The following CDH4 variants were observed in gnomAD, a reference collection of about 807,000 sequenced individuals.
The protein encoded by CDH4 is cadherin-4.
A neutral mutation model predicts 86.0 loss-of-function variants in CDH4; 33 were observed. The observed-to-expected ratio is 0.38, with a 90% CI of 0.29 to 0.51. CDH4 has a LOEUF of 0.51. Among genes scored for constraint, CDH4 ranks in the 20% least tolerant of loss-of-function variants. The pLI is 0.86. For synonymous variants in CDH4, 555 were observed against 549.4 expected, an observed-to-expected ratio of 1.01 and a Z score of -0.14; for missense variants, 1,114 against 1,307.4, an observed-to-expected ratio of 0.85 and a Z score of 2.28.
chr20:61,253,244 G>C (rs1056852098), intron 1 of CDH4, among the ~76,000 whole-genome samples: 1 of 151,156 alleles, frequency 6.6e-6, no homozygotes, highest in African/African-American at 2.4e-5. Context: ...GCTTGGGCCG[G>C]GAAGCCGGAC....
Position 61,928,242 on chromosome 20 carries a change from C to G in CDH4, c.1824C>G (p.Ile608Met). ...CCCTCCAGATCTATCTCATTGACATCAACGACAACGCCCCTGAGCTGCTGC... is the reference window on the plus strand; with the variant it reads ...CCCTCCAGATCTATCTCATTGACATGAACGACAACGCCCCTGAGCTGCTGC... ...TGTLQIYLID[I>M]NDNAPELLPK... Residue 608 changes from isoleucine to methionine, a missense_variant, in exon 12 of 16, where the codon ATC becomes ATG. Physicochemically the swap from Ile to Met is conservative, Grantham distance 10. This residue lies in a region of CDH4 where 705 missense variants were observed against 914.1 expected (regional missense o/e 0.77). Coordinates refer to ENST00000614565, the MANE Select transcript of CDH4 (RefSeq NM_001794.5). 1 of 1,606,402 alleles carries G rather than the reference C, an allele frequency of 6.2e-7. No individual in the cohort carries two copies. The highest frequency in any genetic ancestry group is 8.5e-7 in the Non-Finnish European group (1 of 1,179,960).
chr20:61,585,709 ATGG>A (rs750500799), intron 2 of CDH4, among the ~76,000 whole-genome samples: 1 of 26,184 alleles, frequency 3.8e-5, no homozygotes, highest in Admixed American at 4.9e-4. Flanking sequence ...CATGTGGAGG[ATGG>A]TGGTGATGAT....
chr20:61,707,896 G>T (rs193143513), intron 2 of CDH4, among the ~76,000 whole-genome samples: 92 of 152,294 alleles, frequency 6.0e-4, no homozygotes, highest in Non-Finnish European at 9.4e-4. Flanking sequence ...ATCTCAGCTC[G>T]GGAATGTGTC....
intron 4 of CDH4, among the ~76,000 whole-genome samples, chr20:61,839,140 GA>G (rs1982019694): frequency 6.6e-6 from 1 of 152,246 alleles, no homozygotes; most frequent in Non-Finnish European, 1.5e-5. Context: ...CATCCTTCTG[GA>G]AGAACTTGAT....
At position 61,921,424 on chromosome 20, in the gene CDH4, C is replaced by T. The variant is rs112145542; in HGVS notation, c.1375-2027C>T. 6.0e-4 allele frequency among the ~76,000 whole-genome samples: 91 copies of T among 152,352 alleles called. 1 individual carries two copies. The highest frequency in any genetic ancestry group is 2.0e-3 in the African/African-American group (82 of 41,580). ...TTAATTACCAGACCTCATGATCCTC[C>T]GCACCTAAATCTGTCAGAATGCATC... On this transcript the variant is annotated intron_variant, in intron 9 of 15. Transcript: ENST00000614565.
Position 61,931,979 on chromosome 20 carries a change from G to A in CDH4, c.2240-1006G>A, listed in dbSNP as rs113970420. ...GGGTGGGGCTGCCCTTCTGTCCAGC[G>A]ACGCCCTGGACTGACCCCACCCCAG... On this transcript the variant is annotated intron_variant, in intron 13 of 15. Transcript: ENST00000614565. Among the ~76,000 whole-genome samples, 1,103 of 152,168 alleles carry A rather than the reference G, an allele frequency of 7.2e-3. 13 individuals are homozygous for A. The highest frequency in any genetic ancestry group is 0.024 in the African/African-American group (1,010 of 41,494).
chr20:61,608,350 A>G (rs1054460847), intron 2 of CDH4, among the ~76,000 whole-genome samples: 17 of 152,218 alleles, frequency 1.1e-4, no homozygotes, highest in Admixed American at 2.6e-4. Flanking sequence ...AGTTGCAGCT[A>G]TCATTCTGAG....
At chr20:61,877,098 G>T (rs1664767762) in intron 7 of CDH4, among the ~76,000 whole-genome samples, 1 of 152,140 alleles carries the variant, frequency 6.6e-6, no homozygotes, top group Non-Finnish European at 1.5e-5. Flanking sequence ...GCCTCCCTGG[G>T]CCAGGCATTC....
At chr20:61,724,750 AT>A (rs1170872604) in intron 2 of CDH4, among the ~76,000 whole-genome samples, 1 of 152,184 alleles carries the variant, frequency 6.6e-6, no homozygotes, top group Non-Finnish European at 1.5e-5. Context: ...TTTCCTCCTG[AT>A]TTGTACACCT....
At chr20:61,653,487 G>C (rs1399319389) in intron 2 of CDH4, among the ~76,000 whole-genome samples, 9 of 134,934 alleles carry the variant, frequency 6.7e-5, no homozygotes, top group South Asian at 2.4e-4. Context: ...CGGGCAGAGG[G>C]GCTCCTCACT....
chr20:61,802,099 C>T (rs1979859402), intron 4 of CDH4, among the ~76,000 whole-genome samples: 2 of 152,242 alleles, frequency 1.3e-5, no homozygotes, highest in African/African-American at 4.8e-5. Context: ...AAGCCCTCCC[C>T]ACCTTTCTCT....
chr20:61,661,095 G>GGGGGGA (rs2087251783), intron 2 of CDH4, among the ~76,000 whole-genome samples: 1 of 139,088 alleles, frequency 7.2e-6, no homozygotes, highest in Non-Finnish European at 1.6e-5. Context: ...GGGGGGGGGG[G>GGGGGGA]AGACACAGTG....
chr20:61,610,693 A>G (rs2086678611), intron 2 of CDH4, among the ~76,000 whole-genome samples: 1 of 152,020 alleles, frequency 6.6e-6, no homozygotes. Flanking sequence ...TATTTCCCCA[A>G]GTGTTCTTGA....
Position 61,545,774 on chromosome 20 carries a change from T to G in CDH4, c.170-197789T>G, listed in dbSNP as rs565214033. Among the ~76,000 whole-genome samples the G allele has an allele frequency of 1.4e-4, 20 of 139,902 alleles. No individual in the cohort carries two copies. In the East Asian group the frequency reaches 3.6e-3, roughly 25 times the overall value. 91.8% of individuals were successfully genotyped at this position (139,902 alleles called of 152,430 possible). A position where few individuals can be genotyped will look rare whatever the true frequency, so the allele number is the denominator to read the frequency against. On this transcript the variant is annotated intron_variant, in intron 2 of 15. Transcript: ENST00000614565. ...TGTATGTGAGTGTGTGGGGGTGGGG[T>G]GTGTGTGCATGTGTTTGGGGGGTAT...
intron 2 of CDH4, among the ~76,000 whole-genome samples, chr20:61,550,091 C>G (rs912069509): frequency 6.6e-6 from 1 of 151,592 alleles, no homozygotes; most frequent in Admixed American, 6.6e-5. Context: ...CCTGGCCTCC[C>G]TGCCCCAGCT....
At chr20:61,890,350 T>C (rs1984764777) in intron 7 of CDH4, among the ~76,000 whole-genome samples, 1 of 147,926 alleles carries the variant, frequency 6.8e-6, no homozygotes, top group African/African-American at 2.5e-5. Flanking sequence ...AATGGATGTA[T>C]GGATAGATGG....
Position 61,901,218 on chromosome 20 carries a change from G to GCA in CDH4, c.1188+6171_1188+6172insCA, listed in dbSNP as rs1985386314. Among the ~76,000 whole-genome samples, 5 of 148,724 alleles carry GCA rather than the reference G, an allele frequency of 3.4e-5. No homozygotes were observed. The East Asian group carries it at 9.8e-4, about 29-fold the overall frequency. ...GCAGTGAGCAGGAGCAGGAGCAGGA[G>GCA]GAGTAGGGGCAGGGGCAGGGGCAGG... On this transcript the variant is annotated intron_variant, in intron 8 of 15. Coordinates refer to ENST00000614565, the MANE Select transcript of CDH4 (RefSeq NM_001794.5).
rs549021601 is a variant in CDH4, at chr20:61,389,253, T to C, written c.169+134316T>C. ...CCTCCTCTTGCTCTTGGGCGGCTCGTTCCTGGCTTTTCCGCCTTGACCATG... is the reference window on the plus strand; with the variant it reads ...CCTCCTCTTGCTCTTGGGCGGCTCGCTCCTGGCTTTTCCGCCTTGACCATG... On this transcript the variant is annotated intron_variant, in intron 2 of 15. Transcript: ENST00000614565. Among the ~76,000 whole-genome samples, 261 of 152,308 alleles carry C rather than the reference T, an allele frequency of 1.7e-3. 1 individual carries two copies. The highest frequency in any genetic ancestry group is 6.0e-3 in the African/African-American group (251 of 41,570).
At chr20:61,546,256 AGTAT>A (rs1233500225) in intron 2 of CDH4, among the ~76,000 whole-genome samples, 2 of 129,234 alleles carry the variant, frequency 1.5e-5, no homozygotes, top group Admixed American at 1.6e-4. Context: ...TGTGGGATAC[AGTAT>A]GTGTTCACAT....
Sources: allele counts gnomAD v4.1 joint callset (sites outside exome capture counted in the v4.1 genomes callset), GRCh38; gene constraint gnomAD v4.1.1; regional missense constraint gnomAD v4.1.1; transcripts MANE v1.5; gene names NCBI Gene and HGNC (gene_info 2026-07-23, HGNC 2026-07-21).